Variants in DNAJC13 observed in about 807,000 individuals in gnomAD.
The protein encoded by DNAJC13 is DnaJ heat shock protein family (Hsp40) member C13.
A neutral mutation model predicts 290.5 loss-of-function variants in DNAJC13; 75 were observed. That is an observed-to-expected ratio of 0.26 (90% CI 0.21 to 0.31). DNAJC13 has a LOEUF of 0.31. Ranked by LOEUF, DNAJC13 falls within the 10% of genes least tolerant of loss-of-function variation. DNAJC13 has a pLI of 1.00. For synonymous variants in DNAJC13, 862 were observed against 892.0 expected (o/e 0.97, Z 0.60); for missense variants, 2,260 against 2,674.5 (o/e 0.85, Z 3.42).
chr3:132,516,765 A>G lies in DNAJC13; in HGVS notation c.5622A>G (p.Gln1874=). 6.2e-7 allele frequency: 1 copy of G among 1,613,646 alleles called. No homozygotes were observed. Among genetic ancestry groups the G allele is most frequent in the Non-Finnish European group, 8.5e-7 (1 of 1,179,662 alleles). Reference sequence around the variant, plus strand: ...CAACACATCCACAGGTTCGAGCCCAAACAGCAGAACTTTTTGCCAAAATGA... The same window carrying G: ...CAACACATCCACAGGTTCGAGCCCAGACAGCAGAACTTTTTGCCAAAATGA... The part of the protein sequence containing the change: ...CNSTHPQVRA[Q]TAELFAKMTA... Residue 1874 remains glutamine, a synonymous_variant, in exon 48 of 56, where the codon CAA becomes CAG. Transcript: ENST00000260818.
At chr3:132,423,793 C>T (rs890082213) in intron 1 of DNAJC13, among the ~76,000 whole-genome samples, 1 of 152,190 alleles carries the variant, frequency 6.6e-6, no homozygotes, top group Non-Finnish European at 1.5e-5. Flanking sequence ...AGGATGCTTT[C>T]TGTAAAACTG....
At chr3:132,492,278 A>T in intron 32 of DNAJC13, 136 bp from the exon 33 acceptor site, 1 of 976,582 alleles carries the variant, frequency 1.0e-6, no homozygotes, top group Non-Finnish European at 1.5e-6. Flanking sequence ...TACCATATTT[A>T]AAAGCTCTCA....
intron 29 of DNAJC13, among the ~76,000 whole-genome samples, chr3:132,486,555 T>C (rs1559892733): frequency 6.6e-6 from 1 of 152,232 alleles, no homozygotes; most frequent in Non-Finnish European, 1.5e-5. Context: ...GATACTTATA[T>C]TGATAAATCT....
chr3:132,521,562 C>T (rs1209748630), intron 48 of DNAJC13, among the ~76,000 whole-genome samples: 1 of 152,176 alleles, frequency 6.6e-6, no homozygotes, highest in Admixed American at 6.5e-5. Context: ...CCCGCTCTAA[C>T]TTTTAGGTGC....
At chr3:132,450,973 G>A in intron 6 of DNAJC13, 126 bp downstream of exon 6, 1 of 551,688 alleles carries the variant, frequency 1.8e-6, no homozygotes, top group Non-Finnish European at 3.1e-6. Flanking sequence ...TAATAGTCCA[G>A]GTTTTGGTAT....
chr3:132,538,765 T>G lies in DNAJC13; in HGVS notation c.*483T>G, dbSNP rs1473873101. On this transcript the variant is annotated 3_prime_UTR_variant, in exon 56 of 56. Coordinates refer to ENST00000260818, the MANE Select transcript of DNAJC13 (RefSeq NM_015268.4). ...TAGGTTTTGTCCCTGCACCCTTCAC[T>G]GGCATCCTCAATCATTAACCTTCTG... is the stretch of plus-strand genomic sequence containing the variant. 1 of 152,504 alleles carries G rather than the reference T, an allele frequency of 6.6e-6. No homozygotes were observed. The highest frequency in any genetic ancestry group is 6.5e-5 in the Admixed American group (1 of 15,276). 9.4% of individuals were successfully genotyped at this position (152,504 alleles called of 1,614,324 possible).
chr3:132,428,197 T>C (rs1352059707), intron 1 of DNAJC13, among the ~76,000 whole-genome samples: 1 of 152,212 alleles, frequency 6.6e-6, no homozygotes, highest in East Asian at 1.9e-4. Context: ...GAATGATACA[T>C]AGTTGGTACA....
rs1159593057 is a variant in DNAJC13, at chr3:132,494,199, C to T, written c.3881C>T (p.Pro1294Leu). 4 of 1,612,864 alleles carry T rather than the reference C, an allele frequency of 2.5e-6. No individual in the cohort carries two copies. ...DAWKKEVEKK[P>L]PMMSIDDAYE... ...TGGAAGAAAGAAGTAGAAAAGAAGC[C>T]ACCTATGATGTCAATAGATGATGCT... The change falls in exon 34 of 56, where the codon CCA (proline) becomes CTA (leucine). Residue 1294 changes from proline (P) to leucine (L), a missense_variant. Pro to Leu is a moderately conservative substitution (Grantham distance 98). Transcript: ENST00000260818.
chr3:132,447,985 G>T, intron 5 of DNAJC13, 46 bp downstream of exon 5: 1 of 1,285,240 alleles, frequency 7.8e-7, no homozygotes, highest in Non-Finnish European at 1.1e-6. Context: ...TTCAAATGTT[G>T]CCCTTTATTG....
chr3:132,503,330 C>T lies in DNAJC13; in HGVS notation c.4833C>T (p.Gly1611=). The T allele has an allele frequency of 2.5e-6, 4 of 1,614,126 alleles. No individual in the cohort carries two copies. The South Asian group carries it at 4.4e-5, about 18-fold the overall frequency. The change falls in exon 41 of 56, where the codon GGC becomes GGT. Residue 1611 remains glycine (G), a synonymous_variant. Coordinates refer to ENST00000260818, the MANE Select transcript of DNAJC13 (RefSeq NM_015268.4). ...ENPTIRKSLA[G]MLTPYVARKL... ...CAACCATAAGGAAAAGCTTAGCTGG[C>T]ATGCTGACACCCTATGTTGCTAGAA...
chr3:132,484,685 A>G lies in DNAJC13; in HGVS notation c.3267+13A>G. On this transcript the variant is annotated intron_variant, in intron 29 of 55. Coordinates refer to ENST00000260818, the MANE Select transcript of DNAJC13 (RefSeq NM_015268.4). ...CCATATTATTCAGGTGAGTTATGTA[A>G]TCAAACTAGGAGCAATTTTAAGAAT... is the stretch of plus-strand genomic sequence containing the variant. 1 of 1,601,160 alleles carries G rather than the reference A, an allele frequency of 6.2e-7. No homozygotes were observed. Among genetic ancestry groups the G allele is most frequent in the Non-Finnish European group, 8.6e-7 (1 of 1,168,272 alleles).
Position 132,456,529 on chromosome 3 carries a change from G to C in DNAJC13, c.1128G>C (p.Arg376Ser). 3 of 1,613,886 alleles carry C rather than the reference G, an allele frequency of 1.9e-6. No homozygotes were observed. In the South Asian group the frequency reaches 3.3e-5, roughly 18 times the overall value. ...PNGNFADAVFRFNANISYSGV... is the reference protein window; with the variant it reads ...PNGNFADAVFSFNANISYSGV... ...GCAACTTTGCAGATGCTGTATTCAG[G>C]TTCAATGCTAATATTTCATACAGTG... is the stretch of plus-strand genomic sequence containing the variant. Residue 376 changes from arginine to serine, a missense_variant, in exon 11 of 56, where the codon AGG becomes AGC. Coordinates refer to ENST00000260818, the MANE Select transcript of DNAJC13 (RefSeq NM_015268.4).
At position 132,514,640 on chromosome 3, in the gene DNAJC13, T is replaced by A; in HGVS notation, c.5455T>A (p.Leu1819Ile). ...NIAESMVLSS[L>I]LALLHSLPSS... ...TGCTGAATCAATGGTTTTGTCCAGTTTATTGGCTCTTCTACATTCATTGCC... is the reference window on the plus strand; with the variant it reads ...TGCTGAATCAATGGTTTTGTCCAGTATATTGGCTCTTCTACATTCATTGCC... The change falls in exon 46 of 56, where the codon TTA (leucine) becomes ATA (isoleucine). Residue 1819 changes from leucine (L) to isoleucine (I), a missense_variant. Around this residue, in one of 3 missense-constraint regions of DNAJC13, gnomAD observed 1,494 missense variants for 1,693.7 expected, o/e 0.88. Transcript: ENST00000260818. The A allele has an allele frequency of 6.2e-7, 1 of 1,611,374 alleles. No individual in the cohort carries two copies. The highest frequency in any genetic ancestry group is 1.1e-5 in the South Asian group (1 of 90,620).
At chr3:132,471,651 G>T (rs1484133938) in intron 20 of DNAJC13, among the ~76,000 whole-genome samples, 2 of 131,028 alleles carry the variant, frequency 1.5e-5, no homozygotes, top group East Asian at 4.6e-4. Flanking sequence ...GACGATGGGC[G>T]GCCGGGCAGA....
intron 1 of DNAJC13, among the ~76,000 whole-genome samples, chr3:132,430,904 CAACT>C (rs1939223486): frequency 1.3e-5 from 2 of 152,126 alleles, no homozygotes; most frequent in Middle Eastern, 3.2e-3. Flanking sequence ...AACACCATAC[CAACT>C]GTCAGGACTA....
At position 132,458,618 on chromosome 3, in the gene DNAJC13, G is replaced by A. The variant is rs189282384; in HGVS notation, c.1449+1250G>A. 3.0e-4 allele frequency among the ~76,000 whole-genome samples: 45 copies of A among 152,236 alleles called. No individual in the cohort carries two copies. The East Asian group carries it at 8.1e-3, about 27-fold the overall frequency. The stretch of plus-strand genomic sequence containing the variant: ...GGGTTTTAGGTGCTCTATGTCAGGA[G>A]CCAAGGATGGAGACCAATGTATATA... On this transcript the variant is annotated intron_variant, in intron 13 of 55. Coordinates refer to ENST00000260818, the MANE Select transcript of DNAJC13 (RefSeq NM_015268.4).
At chr3:132,530,732 C>T (rs1031737964) in intron 54 of DNAJC13, among the ~76,000 whole-genome samples, 7 of 152,226 alleles carry the variant, frequency 4.6e-5, no homozygotes, top group African/African-American at 1.7e-4. Flanking sequence ...CCTTGAATTA[C>T]ATATAAGTCG....
chr3:132,479,324 C>T (rs1446013220), intron 25 of DNAJC13, 35 bp downstream of exon 25: 1 of 1,373,892 alleles, frequency 7.3e-7, no homozygotes, highest in African/African-American at 1.4e-5. Context: ...TTGTTATTTC[C>T]AAGTCATATA....
Position 132,501,487 on chromosome 3 carries a change from G to T in DNAJC13, c.4536+574G>T, listed in dbSNP as rs149856157. Among the ~76,000 whole-genome samples the T allele has an allele frequency of 8.7e-4, 132 of 152,066 alleles. 6 individuals are homozygous for T. In the East Asian group the frequency reaches 0.017, roughly 20 times the overall value. ...GCATGCTGACACCCTATGTTTCTGT[G>T]GCTAGTGTGACTGAGATATATGCTT... On this transcript the variant is annotated intron_variant, in intron 39 of 55. Transcript: ENST00000260818.
Sources: gnomAD v4.1 joint callset for allele counts (sites outside exome capture counted in the v4.1 genomes callset) on GRCh38, gnomAD v4.1.1 for gene constraint, gnomAD v4.1.1 regional missense constraint, MANE v1.5 for transcripts, NCBI Gene and HGNC (gene_info 2026-07-23, HGNC 2026-07-21) for gene names.